The following SEPTIN2 variants were observed in gnomAD, a reference collection of about 807,000 sequenced individuals.
SEPTIN2 encodes septin-2.
In SEPTIN2, 34 loss-of-function variants were observed where a neutral mutation model predicts 46.5. The observed-to-expected ratio is 0.73, with a 90% confidence interval of 0.56 to 0.97. The LOEUF is 0.97. SEPTIN2 is among the 50% of genes least tolerant of loss of function. The pLI is 0.00. For missense variants in SEPTIN2, 347 were observed against 448.4 expected (o/e 0.77, Z 2.04); for synonymous variants, 175 against 153.4 (o/e 1.14, Z -1.04).
At chr2:241,334,563 C>T (rs747740132) in intron 3 of SEPTIN2, among the ~76,000 whole-genome samples, 6 of 152,018 alleles carry the variant, frequency 3.9e-5, no homozygotes, top group African/African-American at 9.7e-5. Context: ...TGCTGGGAAA[C>T]GGGGATGGAT....
chr2:241,316,139 C>T (rs1045862990), intron 1 of SEPTIN2, 157 bp downstream of exon 1: 5 of 201,478 alleles, frequency 2.5e-5, no homozygotes, highest in South Asian at 3.0e-4. Context: ...AGCCCAGGCT[C>T]TTCGGCACTT....
chr2:241,333,905 C>G (rs1364036718), intron 3 of SEPTIN2, among the ~76,000 whole-genome samples: 2 of 152,182 alleles, frequency 1.3e-5, no homozygotes, highest in Non-Finnish European at 2.9e-5. Flanking sequence ...GGCTGAAGTG[C>G]AGTGGCATGA....
chr2:241,320,331 AT>A (rs765581007), intron 1 of SEPTIN2: 4 of 470,532 alleles, frequency 8.5e-6, no homozygotes, highest in South Asian at 6.2e-5. Flanking sequence ...TTTTAGTCAG[AT>A]TTTCCAGTTT....
chr2:241,316,439 G>C (rs1195313031), intron 1 of SEPTIN2: 2 of 1,391,632 alleles, frequency 1.4e-6, no homozygotes, highest in Non-Finnish European at 1.9e-6. Flanking sequence ...GGACTGGCCA[G>C]CCCCCAAACC....
At chr2:241,325,788 A>T (rs1234423419) in intron 2 of SEPTIN2, among the ~76,000 whole-genome samples, 1 of 152,218 alleles carries the variant, frequency 6.6e-6, no homozygotes, top group Admixed American at 6.5e-5. Flanking sequence ...CTAAGGAGTT[A>T]TACTAGATAA....
At chr2:241,326,855 G>A (rs1457400598) in intron 3 of SEPTIN2, among the ~76,000 whole-genome samples, 5 of 152,064 alleles carry the variant, frequency 3.3e-5, no homozygotes, top group Admixed American at 6.5e-5. Flanking sequence ...TTGGGAGGCC[G>A]AGGCAGGCAG....
At position 241,348,148 on chromosome 2, in the gene SEPTIN2, A is replaced by G. The variant is rs1278410351; in HGVS notation, c.941A>G (p.Glu314Gly). The G allele has an allele frequency of 2.2e-5, 36 of 1,612,630 alleles. No homozygotes were observed. Among genetic ancestry groups the G allele is most frequent in the Non-Finnish European group, 3.1e-5 (36 of 1,179,302 alleles). Residue 314 changes from glutamate (E) to glycine (G), a missense_variant, in exon 11 of 13, where the codon GAG becomes GGG. Physicochemically the swap from Glu to Gly is moderately conservative, Grantham distance 98. Transcript: ENST00000391971. The part of the protein sequence containing the change: ...LKRGGRKVEN[E>G]DMNKDQILLE... ...TCGATTCTTAGGAAAGTGGAGAATGAGGACATGAATAAAGACCAGATCTTG... is the reference window on the plus strand; with the variant it reads ...TCGATTCTTAGGAAAGTGGAGAATGGGGACATGAATAAAGACCAGATCTTG...
At chr2:241,338,651 CAT>C (rs1356550957) in intron 7 of SEPTIN2, among the ~76,000 whole-genome samples, 5 of 119,494 alleles carry the variant, frequency 4.2e-5, no homozygotes, top group East Asian at 2.2e-4. Context: ...ATATATATTA[CAT>C]ATATATTATA....
In SEPTIN2 at chr2:241,350,220, C is replaced by T. The variant is rs765070526; in HGVS notation, c.*29+17C>T. 1 of 1,467,084 alleles carries T rather than the reference C, an allele frequency of 6.8e-7. No individual in the cohort carries two copies. The highest frequency in any genetic ancestry group is 9.2e-7 in the Non-Finnish European group (1 of 1,082,216). The allele number at this position is 1,467,084 out of a possible 1,614,324, so 90.9% of individuals were successfully genotyped here. ...AAGTCAGAGGTAGGCCCTGTTGTCCCTTAGCCTGGAAGACAGGCAGTTACT... is the reference window on the plus strand; with the variant it reads ...AAGTCAGAGGTAGGCCCTGTTGTCCTTTAGCCTGGAAGACAGGCAGTTACT... On this transcript the variant is annotated intron_variant, in intron 12 of 12. Coordinates refer to ENST00000391971, the MANE Select transcript of SEPTIN2 (RefSeq NM_004404.5).
At chr2:241,325,887 A>T (rs2077882333) in intron 2 of SEPTIN2, 106 bp from the exon 3 acceptor site, 3 of 1,096,910 alleles carry the variant, frequency 2.7e-6, no homozygotes, top group Admixed American at 2.8e-5. Flanking sequence ...TTTTTAAAAA[A>T]TTTGTGAAAA....
At chr2:241,316,482 C>G in intron 1 of SEPTIN2, 1 of 1,522,462 alleles carries the variant, frequency 6.6e-7, no homozygotes, top group South Asian at 1.2e-5. Context: ...CGTGGATAAG[C>G]GAGGGGAGAG....
At chr2:241,336,227 A>C in intron 5 of SEPTIN2, 129 bp downstream of exon 5, 1 of 972,022 alleles carries the variant, frequency 1.0e-6, no homozygotes, top group Non-Finnish European at 1.5e-6. Context: ...GACAATTTAA[A>C]GCGTGTTAAA....
intron 1 of SEPTIN2, among the ~76,000 whole-genome samples, chr2:241,319,542 C>T (rs758200487): frequency 6.6e-6 from 1 of 152,194 alleles, no homozygotes; most frequent in Non-Finnish European, 1.5e-5. Context: ...GTTTAGAAAA[C>T]AGTATTTGCC....
chr2:241,339,471 A>G (rs1023271692), intron 7 of SEPTIN2, among the ~76,000 whole-genome samples: 2 of 152,206 alleles, frequency 1.3e-5, no homozygotes, highest in Non-Finnish European at 2.9e-5. Context: ...GTTTTGCAGA[A>G]TGAAATCACA....
chr2:241,326,052 C>T lies in SEPTIN2; in HGVS notation c.69C>T (p.Leu23=), dbSNP rs2077910204. 1 of 1,613,736 alleles carries T rather than the reference C, an allele frequency of 6.2e-7. No homozygotes were observed. Among genetic ancestry groups the T allele is most frequent in the South Asian group, 1.1e-5 (1 of 91,042 alleles). ...CTGGCTATGTTGGATTTGCAAACCT[C>T]CCCAATCAAGTTCACCGAAAATCAG... ...ETPGYVGFAN[L]PNQVHRKSVK... The change falls in exon 3 of 13, where the codon CTC becomes CTT. Residue 23 remains leucine (L), a synonymous_variant. Transcript: ENST00000391971.
intron 1 of SEPTIN2, chr2:241,316,860 C>T: frequency 4.0e-6 from 1 of 252,284 alleles, no homozygotes; most frequent in Non-Finnish European, 7.6e-6. Flanking sequence ...CCTTAACTGC[C>T]TTCTCCTTAC....
intron 9 of SEPTIN2, among the ~76,000 whole-genome samples, chr2:241,345,231 G>A (rs112833617): frequency 0.031 from 4,695 of 152,286 alleles, 171 homozygotes; most frequent in African/African-American, 0.084. Context: ...GCTGAAAGTC[G>A]CTACATATTT....
intron 10 of SEPTIN2, among the ~76,000 whole-genome samples, chr2:241,346,847 C>T (rs911449420): frequency 4.6e-5 from 7 of 152,124 alleles, no homozygotes; most frequent in Non-Finnish European, 8.8e-5. Context: ...AAACTTGTTG[C>T]CATTAGGAAA....
intron 1 of SEPTIN2, chr2:241,316,824 A>T (rs1434521540): frequency 3.0e-6 from 1 of 331,620 alleles, no homozygotes; most frequent in Non-Finnish European, 5.5e-6. Context: ...GCCATTGCCC[A>T]AACTCTTAAA....
Sources: allele counts gnomAD v4.1 joint callset (sites outside exome capture counted in the v4.1 genomes callset), GRCh38; gene constraint gnomAD v4.1.1; transcripts MANE v1.5; gene names NCBI Gene and HGNC (gene_info 2026-07-23, HGNC 2026-07-21).